EEF1AKMT1: variants seen among roughly 807,000 people sequenced by gnomAD.
The protein encoded by EEF1AKMT1 is N-6 adenine-specific DNA methyltransferase 2 (putative).
A neutral mutation model predicts 21.0 loss-of-function variants in EEF1AKMT1; 18 were observed. The observed-to-expected ratio is 0.86, with a 90% confidence interval of 0.59 to 1.27. The LOEUF is 1.27. Ranked by LOEUF, EEF1AKMT1 falls within the 50% of genes most tolerant of loss-of-function variation. The probability of loss-of-function intolerance (pLI) is 0.00; values close to 1 mark genes in which losing one functional copy is unlikely to be tolerated. For synonymous variants in EEF1AKMT1, 109 were observed against 94.8 expected (o/e 1.15, Z -0.87); for missense variants, 246 against 258.6 (o/e 0.95, Z 0.33).
intron 2 of EEF1AKMT1, among the ~76,000 whole-genome samples, chr13:20,756,839 T>A (rs974364889): frequency 1.3e-5 from 2 of 152,114 alleles, no homozygotes; most frequent in Non-Finnish European, 2.9e-5. Flanking sequence ...CACCTTTACC[T>A]TTTTTGCATA....
chr13:20,743,179 G>A (rs2058882249), intron 2 of EEF1AKMT1, among the ~76,000 whole-genome samples: 1 of 151,968 alleles, frequency 6.6e-6, no homozygotes. Flanking sequence ...CGATTCTCCT[G>A]CCTCAGCCTC....
At chr13:20,756,096 T>C (rs1246825403) in intron 2 of EEF1AKMT1, among the ~76,000 whole-genome samples, 2 of 152,054 alleles carry the variant, frequency 1.3e-5, no homozygotes, top group South Asian at 2.1e-4. Flanking sequence ...ACAGGGTAAA[T>C]AGGAAAAGTT....
At position 20,757,461 on chromosome 13, in the gene EEF1AKMT1, C is replaced by A; in HGVS notation, c.138G>T (p.Glu46Asp). Residue 46 changes from glutamate (E) to aspartate (D), a missense_variant, in exon 2 of 5, where the codon GAG (glutamate) becomes GAT (aspartate). Coordinates refer to ENST00000382758, the MANE Select transcript of EEF1AKMT1 (RefSeq NM_001318939.2). ...GTGAAATGCATTTACTTACCCAATT[C>A]TCTTCTATTATTCCAATGTTATATT... Reference protein sequence around the residue: ...DDKYNIGIIEENWQLSQFWYS... With the variant: ...DDKYNIGIIEDNWQLSQFWYS... The A allele has an allele frequency of 3.7e-6, 6 of 1,614,006 alleles. No individual in the cohort carries two copies. Among genetic ancestry groups the A allele is most frequent in the Non-Finnish European group, 5.1e-6 (6 of 1,179,954 alleles).
chr13:20,768,122 T>C (rs2059045580), intron 1 of EEF1AKMT1, among the ~76,000 whole-genome samples: 1 of 152,262 alleles, frequency 6.6e-6, no homozygotes, highest in Non-Finnish European at 1.5e-5. Context: ...TGGACTGATT[T>C]TCCCATTATG....
Position 20,735,683 on chromosome 13 carries a change from A to G in EEF1AKMT1, c.227+2040T>C, listed in dbSNP as rs553306157. Reference sequence around the variant, plus strand: ...CAGTTTTCGAGTGCCCCACCCTTCAATGTCCACAGACATTTAAGGAACATA... The same window carrying G: ...CAGTTTTCGAGTGCCCCACCCTTCAGTGTCCACAGACATTTAAGGAACATA... On this transcript the variant is annotated intron_variant, in intron 3 of 4. Transcript: ENST00000382758. 1.3e-4 allele frequency among the ~76,000 whole-genome samples: 20 copies of G among 152,356 alleles called. No individual in the cohort carries two copies. The South Asian group carries it at 4.1e-3, about 32-fold the overall frequency.
At position 20,728,765 on chromosome 13, in the gene EEF1AKMT1, A is replaced by T; in HGVS notation, c.*315T>A. On this transcript the variant is annotated 3_prime_UTR_variant, in exon 5 of 5. Coordinates refer to ENST00000382758, the MANE Select transcript of EEF1AKMT1 (RefSeq NM_001318939.2). The stretch of plus-strand genomic sequence containing the variant: ...GAGGCAGAGGCCAAGGTCCTGTCTC[A>T]TTCAGGAGCCCTTGGGCAAGCCACA... The T allele has an allele frequency of 2.8e-6, 1 of 352,936 alleles. No individual in the cohort carries two copies. Among genetic ancestry groups the T allele is most frequent in the Non-Finnish European group, 5.4e-6 (1 of 186,844 alleles). The allele number at this position is 352,936 out of a possible 1,614,324, so 21.9% of individuals were successfully genotyped here.
intron 2 of EEF1AKMT1, among the ~76,000 whole-genome samples, chr13:20,742,934 G>A (rs193283934): frequency 6.6e-6 from 1 of 152,136 alleles, no homozygotes; most frequent in East Asian, 1.9e-4. Context: ...TCTTAAACTT[G>A]TTTATGGTAT....
chr13:20,739,395 C>T (rs556294741), intron 2 of EEF1AKMT1, among the ~76,000 whole-genome samples: 1 of 152,190 alleles, frequency 6.6e-6, no homozygotes, highest in Non-Finnish European at 1.5e-5. Context: ...CCTTATCTGA[C>T]CCCACCCACA....
At chr13:20,752,448 T>G (rs9509365) in intron 2 of EEF1AKMT1, among the ~76,000 whole-genome samples, 56,757 of 152,106 alleles carry the variant, frequency 0.37, 12,565 homozygotes, top group Non-Finnish European at 0.5. Context: ...TGTATTATGT[T>G]TGTTGATTTG....
intron 1 of EEF1AKMT1, among the ~76,000 whole-genome samples, chr13:20,767,085 T>C (rs2141440071): frequency 6.6e-6 from 1 of 152,070 alleles, no homozygotes; most frequent in East Asian, 1.9e-4. Flanking sequence ...GGTGGGCGGA[T>C]CACGAGGTCA....
At chr13:20,753,405 T>C (rs2058953713) in intron 2 of EEF1AKMT1, among the ~76,000 whole-genome samples, 2 of 152,232 alleles carry the variant, frequency 1.3e-5, no homozygotes, top group African/African-American at 4.8e-5. Context: ...ATGCATATTC[T>C]GTAGCTGTTG....
intron 1 of EEF1AKMT1, among the ~76,000 whole-genome samples, chr13:20,759,301 C>T (rs1293105658): frequency 6.6e-6 from 1 of 152,256 alleles, no homozygotes; most frequent in East Asian, 1.9e-4. Context: ...TTAAATCGGC[C>T]GGGCGCCGTG....
chr13:20,763,744 T>C (rs1474767250), intron 1 of EEF1AKMT1, among the ~76,000 whole-genome samples: 2 of 152,316 alleles, frequency 1.3e-5, no homozygotes, highest in African/African-American at 2.4e-5. Context: ...TGAGCCACCA[T>C]GCCTGGCCTG....
chr13:20,734,613 A>G (rs1487761681), intron 3 of EEF1AKMT1, among the ~76,000 whole-genome samples: 1 of 73,056 alleles, frequency 1.4e-5, no homozygotes, highest in Non-Finnish European at 3.2e-5. Flanking sequence ...TATTTATTTG[A>G]GACGGAGTCT....
chr13:20,751,560 G>A (rs563565672), intron 2 of EEF1AKMT1, among the ~76,000 whole-genome samples: 5 of 152,254 alleles, frequency 3.3e-5, no homozygotes, highest in Admixed American at 2.6e-4. Flanking sequence ...GGTTACTACA[G>A]CCTTGTAACA....
intron 2 of EEF1AKMT1, among the ~76,000 whole-genome samples, chr13:20,739,136 A>G (rs966994909): frequency 2.0e-5 from 3 of 152,060 alleles, no homozygotes; most frequent in African/African-American, 7.3e-5. Flanking sequence ...CTAAGATGGC[A>G]CATCTGGAGT....
In EEF1AKMT1 at chr13:20,765,669, C is replaced by T. The variant is rs529586371; in HGVS notation, c.-19-8052G>A. Reference sequence around the variant, plus strand: ...CTCGTGATCCACCTGCCTTGGGCTCCCAAAGTGCTGGGATTACAGGCATGA... The same window carrying T: ...CTCGTGATCCACCTGCCTTGGGCTCTCAAAGTGCTGGGATTACAGGCATGA... On this transcript the variant is annotated intron_variant, in intron 1 of 4. Transcript: ENST00000382758. Among the ~76,000 whole-genome samples the T allele has an allele frequency of 6.6e-5, 10 of 152,078 alleles. No homozygotes were observed. In the South Asian group the frequency reaches 1.5e-3, roughly 22 times the overall value.
Position 20,757,551 on chromosome 13 carries a change from G to C in EEF1AKMT1, c.48C>G (p.Ala16=), listed in dbSNP as rs768042333. 1.9e-6 allele frequency: 3 copies of C among 1,614,136 alleles called. No homozygotes were observed. The Admixed American group carries it at 5.0e-5, about 27-fold the overall frequency. Reference sequence around the variant, plus strand: ...CATAAAATTCCTGGAGAGCTGCTAAGGCATGGGCAGAAAGCTGGGGTGTCT... The same window carrying C: ...CATAAAATTCCTGGAGAGCTGCTAACGCATGGGCAGAAAGCTGGGGTGTCT... ...DDETPQLSAH[A]LAALQEFYAE... Residue 16 remains alanine (A), a synonymous_variant, in exon 2 of 5, where the codon GCC becomes GCG. Coordinates refer to ENST00000382758, the MANE Select transcript of EEF1AKMT1 (RefSeq NM_001318939.2).
intron 1 of EEF1AKMT1, among the ~76,000 whole-genome samples, chr13:20,760,340 T>C (rs1324273092): frequency 1.3e-5 from 2 of 152,068 alleles, no homozygotes; most frequent in Non-Finnish European, 2.9e-5. Context: ...ATATACACCA[T>C]GGAATAGTAC....
Sources: allele counts gnomAD v4.1 joint callset (sites outside exome capture counted in the v4.1 genomes callset), GRCh38; gene constraint gnomAD v4.1.1; transcripts MANE v1.5; gene names NCBI Gene and HGNC (gene_info 2026-07-23, HGNC 2026-07-21).